Variants in NRXN1 observed in about 807,000 individuals in gnomAD.
The protein encoded by NRXN1 is neurexin-1.
NRXN1 carries 39 observed loss-of-function variants against 150.9 expected under a neutral mutation model. The observed-to-expected ratio is 0.26, with a 90% CI of 0.20 to 0.34. The LOEUF (loss-of-function observed/expected upper bound fraction) is 0.34. Among genes scored for constraint, NRXN1 ranks in the 10% least tolerant of loss-of-function variants. NRXN1 has a pLI of 1.00. For synonymous variants in NRXN1, 924 were observed against 757.0 expected (o/e 1.22, Z -3.62); for missense variants, 1,815 against 1,949.9 (o/e 0.93, Z 1.30).
In NRXN1 at chr2:50,567,355, C is replaced by T. The variant is rs556191278; in HGVS notation, c.1321-14330G>A. On this transcript the variant is annotated intron_variant, in intron 8 of 22. Coordinates refer to ENST00000401669, the MANE Select transcript of NRXN1 (RefSeq NM_001330078.2). Reference sequence around the variant, plus strand: ...AGAGAAGAGAGATGTACTAACCACACGTAGACTGGGACCATTTTTTTCATT... The same window carrying T: ...AGAGAAGAGAGATGTACTAACCACATGTAGACTGGGACCATTTTTTTCATT... Among the ~76,000 whole-genome samples the T allele has an allele frequency of 3.3e-5, 5 of 152,144 alleles. No individual in the cohort carries two copies. In the East Asian group the frequency reaches 7.7e-4, roughly 24 times the overall value.
At chr2:50,555,646 A>C (rs556475196) in intron 8 of NRXN1, among the ~76,000 whole-genome samples, 2 of 152,342 alleles carry the variant, frequency 1.3e-5, no homozygotes, top group Admixed American at 6.5e-5. Flanking sequence ...TTATAGTTGA[A>C]CAAAATTCTT....
At chr2:50,142,498 C>G (rs1286760890) in intron 18 of NRXN1, among the ~76,000 whole-genome samples, 1 of 151,690 alleles carries the variant, frequency 6.6e-6, no homozygotes, top group Non-Finnish European at 1.5e-5. Context: ...GATAAAAGCT[C>G]AAGGTGATGA....
intron 5 of NRXN1, among the ~76,000 whole-genome samples, chr2:50,912,511 T>C (rs539806494): frequency 3.3e-5 from 5 of 152,086 alleles, no homozygotes; most frequent in Admixed American, 6.6e-5. Context: ...GATTTATCTG[T>C]TCTTACACAG....
chr2:50,855,468 G>T (rs1334607076), intron 5 of NRXN1, among the ~76,000 whole-genome samples: 1 of 151,886 alleles, frequency 6.6e-6, no homozygotes, highest in East Asian at 1.9e-4. Context: ...AAAACTTATG[G>T]TCTTTGTAAT....
intron 17 of NRXN1, among the ~76,000 whole-genome samples, chr2:50,339,219 T>G (rs976019373): frequency 3.9e-5 from 6 of 152,190 alleles, no homozygotes; most frequent in Non-Finnish European, 8.8e-5. Context: ...CTGTTAATTT[T>G]TTTTCTTTCT....
chr2:50,464,042 T>C (rs1330424131), intron 17 of NRXN1: 2 of 151,348 alleles, frequency 1.3e-5, no homozygotes, highest in Admixed American at 6.6e-5. Flanking sequence ...CATATCCTTA[T>C]GAAAAGCACA....
At chr2:50,754,269 C>T (rs970142566) in intron 5 of NRXN1, among the ~76,000 whole-genome samples, 19 of 151,740 alleles carry the variant, frequency 1.3e-4, no homozygotes, top group Admixed American at 3.3e-4. Context: ...ACACTATGCT[C>T]CTAGTTCATG....
chr2:50,319,510 C>T (rs1048833666), intron 17 of NRXN1, among the ~76,000 whole-genome samples: 2 of 152,040 alleles, frequency 1.3e-5, no homozygotes, highest in African/African-American at 4.8e-5. Context: ...AGGAAGGTGC[C>T]CTCCTCTCTG....
chr2:50,845,744 C>T (rs891864697), intron 5 of NRXN1, among the ~76,000 whole-genome samples: 2 of 152,146 alleles, frequency 1.3e-5, no homozygotes, highest in Non-Finnish European at 2.9e-5. Context: ...AAAAATTTCC[C>T]CACATAATTC....
intron 5 of NRXN1, among the ~76,000 whole-genome samples, chr2:50,709,861 C>G (rs1694924494): frequency 6.6e-6 from 1 of 152,172 alleles, no homozygotes; most frequent in African/African-American, 2.4e-5. Context: ...GAACATTCCT[C>G]TAAGATCACA....
intron 2 of NRXN1, among the ~76,000 whole-genome samples, chr2:51,000,670 A>T (rs2105082953): frequency 2.0e-5 from 3 of 152,134 alleles, no homozygotes; most frequent in Admixed American, 2.0e-4. Flanking sequence ...TAGAAATAAC[A>T]GAGACAGATG....
chr2:49,988,698 C>T (rs1238999513), intron 21 of NRXN1, among the ~76,000 whole-genome samples: 2 of 148,734 alleles, frequency 1.3e-5, no homozygotes, highest in African/African-American at 2.5e-5. Flanking sequence ...TATCACCGTA[C>T]AAATAAATTT....
chr2:49,978,837 C>A (rs1014481360), intron 21 of NRXN1, among the ~76,000 whole-genome samples: 2 of 151,796 alleles, frequency 1.3e-5, no homozygotes, highest in Non-Finnish European at 2.9e-5. Flanking sequence ...TTGAATAGTC[C>A]AACTCCTTCG....
At chr2:51,031,957 C>G (rs202044843) in intron 1 of NRXN1, 24 bp downstream of exon 1, 2 of 152,302 alleles carry the variant, frequency 1.3e-5, no homozygotes, top group African/African-American at 4.8e-5. Context: ...TCCCCTCCCC[C>G]CAACCCAAAT....
rs918378882 is a variant in NRXN1, at chr2:50,097,299, C to G, written c.3547-5805G>C. 3.9e-5 allele frequency among the ~76,000 whole-genome samples: 6 copies of G among 152,310 alleles called. No homozygotes were observed. The South Asian group carries it at 1.2e-3, about 32-fold the overall frequency. On this transcript the variant is annotated intron_variant, in intron 18 of 22. Coordinates refer to ENST00000401669, the MANE Select transcript of NRXN1 (RefSeq NM_001330078.2). ...CTGTTTACGTTCTGTAAACTTCTGT[C>G]ATGCACCATAGTACAGTCCAGTACT...
chr2:50,216,327 G>GT (rs2063397426), intron 18 of NRXN1, among the ~76,000 whole-genome samples: 1 of 151,974 alleles, frequency 6.6e-6, no homozygotes, highest in African/African-American at 2.4e-5. Flanking sequence ...ACTTGTTATT[G>GT]TTTTTTCAAA....
rs572664296 is a variant in NRXN1 at position 50,320,360 on chromosome 2, T to G, written c.3365-83390A>C. 4.7e-3 allele frequency among the ~76,000 whole-genome samples: 622 copies of G among 132,076 alleles called. 4 individuals carry two copies. The highest frequency in any genetic ancestry group is 7.7e-3 in the Non-Finnish European group (485 of 62,852). The allele number at this position is 132,076 out of a possible 152,430, so 86.6% of individuals were successfully genotyped here. On this transcript the variant is annotated intron_variant, in intron 17 of 22. Coordinates refer to ENST00000401669, the MANE Select transcript of NRXN1 (RefSeq NM_001330078.2). ...GATTAGCATCAGGTTAGTCTGGGAG[T>G]AGGAATGGGTTTGTTTGATTAAGAA...
chr2:50,873,729 T>C (rs938007465), intron 5 of NRXN1, among the ~76,000 whole-genome samples: 2 of 151,970 alleles, frequency 1.3e-5, no homozygotes, highest in Middle Eastern at 3.4e-3. Context: ...TGTTAGATCA[T>C]TATTATTTCA....
intron 18 of NRXN1, among the ~76,000 whole-genome samples, chr2:50,222,886 A>C (rs2064012259): frequency 6.6e-6 from 1 of 151,926 alleles, no homozygotes; most frequent in Admixed American, 6.6e-5. Flanking sequence ...TAAAGATTAG[A>C]GTTTTAGACA....
Sources: allele counts gnomAD v4.1 joint callset (sites outside exome capture counted in the v4.1 genomes callset), GRCh38; gene constraint gnomAD v4.1.1; transcripts MANE v1.5; gene names NCBI Gene and HGNC (gene_info 2026-07-23, HGNC 2026-07-21).